COMMD10: variants seen among roughly 807,000 people sequenced by gnomAD.
COMMD10 encodes COMM domain-containing protein 10.
Under a neutral mutation model 28.9 loss-of-function variants are expected in COMMD10, and 33 were observed. The ratio of observed to expected loss-of-function variants is 1.14; its 90% CI spans 0.87 to 1.53. The LOEUF is 1.53. Among genes scored for constraint, COMMD10 ranks in the 40% most tolerant of loss-of-function variants. The pLI, the probability that COMMD10 is intolerant of heterozygous loss-of-function variation, is 0.00. For missense variants in COMMD10, 310 were observed against 233.4 expected (o/e 1.33, Z -2.14); for synonymous variants, 110 against 81.7 (o/e 1.35, Z -1.87).
chr5:116,153,755 A>C (rs1268067531), intron 5 of COMMD10, among the ~76,000 whole-genome samples: 2 of 151,986 alleles, frequency 1.3e-5, no homozygotes, highest in African/African-American at 4.8e-5. Context: ...TCTCTAATAA[A>C]CCCTATTCTT....
chr5:116,278,059 A>G (rs545008057), intron 5 of COMMD10, among the ~76,000 whole-genome samples: 243 of 151,956 alleles, frequency 1.6e-3, no homozygotes, highest in Non-Finnish European at 6.8e-4. Context: ...TCCCTCAGCC[A>G]AGATAGTAAC....
chr5:116,213,607 C>T (rs187450765), intron 5 of COMMD10, among the ~76,000 whole-genome samples: 14 of 152,176 alleles, frequency 9.2e-5, no homozygotes, highest in East Asian at 1.9e-4. Flanking sequence ...TAAGGACCAA[C>T]GGATTTATAA....
intron 5 of COMMD10, among the ~76,000 whole-genome samples, chr5:116,263,821 T>G (rs531848208): frequency 3.3e-5 from 5 of 151,898 alleles, no homozygotes; most frequent in Admixed American, 6.6e-5. Flanking sequence ...TCTATTTGAT[T>G]GATATCTCAT....
At chr5:116,237,442 G>T (rs778357368) in intron 5 of COMMD10, among the ~76,000 whole-genome samples, 5 of 151,468 alleles carry the variant, frequency 3.3e-5, no homozygotes, top group Non-Finnish European at 5.9e-5. Context: ...TTTCAATTTA[G>T]TTCTATCATA....
intron 5 of COMMD10, among the ~76,000 whole-genome samples, chr5:116,255,145 T>G (rs537969702): frequency 1.1e-4 from 17 of 151,922 alleles, no homozygotes; most frequent in South Asian, 2.1e-4. Flanking sequence ...GTTTTCCATT[T>G]GCTTGGTAGA....
At chr5:116,224,027 C>T (rs149325925) in intron 5 of COMMD10, among the ~76,000 whole-genome samples, 437 of 152,218 alleles carry the variant, frequency 2.9e-3, no homozygotes, top group East Asian at 8.3e-3. Context: ...GTCTCTTTTA[C>T]GTTTTTTAAG....
chr5:116,235,041 G>A (rs1749625222), intron 5 of COMMD10, among the ~76,000 whole-genome samples: 1 of 152,112 alleles, frequency 6.6e-6, no homozygotes, highest in South Asian at 2.1e-4. Context: ...TTTGTAAAAG[G>A]ACATAAAAAT....
chr5:116,206,692 T>C (rs1748822442), intron 5 of COMMD10, among the ~76,000 whole-genome samples: 1 of 152,024 alleles, frequency 6.6e-6, no homozygotes, highest in South Asian at 2.1e-4. Flanking sequence ...TGGAGACAGC[T>C]GTTCACGTAT....
At chr5:116,100,844 A>T (rs1750637015) in intron 4 of COMMD10, among the ~76,000 whole-genome samples, 1 of 152,160 alleles carries the variant, frequency 6.6e-6, no homozygotes, top group South Asian at 2.1e-4. Context: ...AGATTTCATA[A>T]TGGTGAATTC....
chr5:116,101,395 A>C (rs964033575), intron 4 of COMMD10, among the ~76,000 whole-genome samples: 4 of 151,634 alleles, frequency 2.6e-5, no homozygotes, highest in Non-Finnish European at 4.4e-5. Context: ...GTTAACATCT[A>C]TTATTTTTTA....
chr5:116,127,565 G>A (rs1751702073), intron 4 of COMMD10, among the ~76,000 whole-genome samples: 1 of 152,126 alleles, frequency 6.6e-6, no homozygotes, highest in Non-Finnish European at 1.5e-5. Context: ...AGAAAATGTG[G>A]CACATATACA....
chr5:116,290,510 G>C (rs72808926), intron 5 of COMMD10, among the ~76,000 whole-genome samples: 2 of 151,872 alleles, frequency 1.3e-5, no homozygotes, highest in African/African-American at 4.9e-5. Context: ...AATTTGGTTT[G>C]AAATGTCGGC....
chr5:116,124,645 A>G (rs1561615366), intron 4 of COMMD10, among the ~76,000 whole-genome samples: 1 of 152,074 alleles, frequency 6.6e-6, no homozygotes, highest in African/African-American at 2.4e-5. Flanking sequence ...TGTCTCATTG[A>G]TCTGTCTAAT....
chr5:116,271,582 T>C (rs1027336681), intron 5 of COMMD10, among the ~76,000 whole-genome samples: 1 of 151,694 alleles, frequency 6.6e-6, no homozygotes, highest in Non-Finnish European at 1.5e-5. Flanking sequence ...ACTCCTAAGC[T>C]ACCAGTATGG....
At chr5:116,151,267 T>A (rs1752517090) in intron 5 of COMMD10, among the ~76,000 whole-genome samples, 1 of 151,798 alleles carries the variant, frequency 6.6e-6, no homozygotes, top group Non-Finnish European at 1.5e-5. Flanking sequence ...TTGCCAGTAT[T>A]TTATTGAGGA....
intron 5 of COMMD10, among the ~76,000 whole-genome samples, chr5:116,223,965 A>ATGCATGTG (rs1336524820): frequency 6.6e-6 from 1 of 152,172 alleles, no homozygotes; most frequent in East Asian, 1.9e-4. Flanking sequence ...TTTAAAAGTA[A>ATGCATGTG]TGCATGTGTT....
At chr5:116,198,078 GT>G (rs1191220255) in intron 5 of COMMD10, among the ~76,000 whole-genome samples, 6 of 151,940 alleles carry the variant, frequency 3.9e-5, no homozygotes, top group Non-Finnish European at 7.4e-5. Context: ...CATAATTTTT[GT>G]TTTTTTAAAC....
chr5:116,247,871 A>G (rs1262811116), intron 5 of COMMD10, among the ~76,000 whole-genome samples: 1 of 151,894 alleles, frequency 6.6e-6, no homozygotes, highest in Non-Finnish European at 1.5e-5. Flanking sequence ...TACTAGGCTT[A>G]ATATCTGGTT....
intron 5 of COMMD10, among the ~76,000 whole-genome samples, chr5:116,241,910 C>T (rs1040447433): frequency 1.3e-5 from 2 of 152,178 alleles, no homozygotes; most frequent in Non-Finnish European, 2.9e-5. Flanking sequence ...AGCCACCACG[C>T]CCAGCCAATT....
Sources: allele counts gnomAD v4.1 joint callset (sites outside exome capture counted in the v4.1 genomes callset), GRCh38; gene constraint gnomAD v4.1.1; transcripts MANE v1.5; gene names NCBI Gene and HGNC (gene_info 2026-07-23, HGNC 2026-07-21).